The following SAMD12 variants were observed in gnomAD, a reference collection of about 807,000 sequenced individuals.
The protein encoded by SAMD12 is sterile alpha motif domain containing 12, also known as sterile alpha motif domain-containing protein 12.
SAMD12 carries 9 observed loss-of-function variants against 15.0 expected under a neutral mutation model. The observed-to-expected ratio is 0.60, with a 90% CI of 0.36 to 1.05. SAMD12 has a LOEUF of 1.05. Ranked by LOEUF, SAMD12 falls within the 50% of genes least tolerant of loss-of-function variation. The pLI is 0.01. For synonymous variants in SAMD12, 86 were observed against 90.1 expected, an observed-to-expected ratio of 0.96 and a Z score of 0.25; for missense variants, 230 against 234.2, an observed-to-expected ratio of 0.98 and a Z score of 0.12.
intron 4 of SAMD12, among the ~76,000 whole-genome samples, chr8:118,308,326 T>C (rs1278303422): frequency 6.6e-6 from 1 of 152,190 alleles, no homozygotes. Flanking sequence ...ATGATGACGA[T>C]GGCAATGATA....
intron 3 of SAMD12, among the ~76,000 whole-genome samples, chr8:118,425,628 A>T (rs1271826970): frequency 6.6e-6 from 1 of 152,246 alleles, no homozygotes; most frequent in Non-Finnish European, 1.5e-5. Context: ...AAAGCTCAGC[A>T]TTCACAATGT....
exon 5 of SAMD12, chr8:118,189,888 A>G (rs1158251131): frequency 1.3e-5 from 2 of 151,104 alleles, no homozygotes; most frequent in African/African-American, 2.4e-5. Context: ...GTTTTACCAC[A>G]TAACTTGATT....
rs137863946 is a variant in SAMD12, at chr8:118,366,720, G to A, written c.433+12840C>T. Among the ~76,000 whole-genome samples the A allele has an allele frequency of 6.0e-3, 908 of 151,924 alleles. 11 individuals are homozygous for A. Among genetic ancestry groups the A allele is most frequent in the African/African-American group, 0.021 (883 of 41,442 alleles). On this transcript the variant is annotated intron_variant, in intron 4 of 4. Transcript: ENST00000409003. ...CCAGATACTCAGGAGGCTGAGGCAG[G>A]AAAATTGCTTGAAACTGGGAGGCGA...
chr8:118,544,516 C>G (rs1160695937), intron 2 of SAMD12, among the ~76,000 whole-genome samples: 1 of 152,080 alleles, frequency 6.6e-6, no homozygotes, highest in African/African-American at 2.4e-5. Flanking sequence ...TTTAGATTTG[C>G]GAGGGCTGAA....
At chr8:118,490,719 TGCAGGAAGAA>T (rs1414714863) in intron 2 of SAMD12, among the ~76,000 whole-genome samples, 1 of 152,180 alleles carries the variant, frequency 6.6e-6, no homozygotes, top group Non-Finnish European at 1.5e-5. Flanking sequence ...AGTTTCTGGA[TGCAGGAAGAA>T]GCAGGAAATA....
At chr8:118,439,624 G>GC (rs374324625) in intron 3 of SAMD12, among the ~76,000 whole-genome samples, 1 of 111,530 alleles carries the variant, frequency 9.0e-6, no homozygotes, top group Admixed American at 1.1e-4. Flanking sequence ...TACAATGGAT[G>GC]CTAAAATCCA....
chr8:118,139,024 A>G, the SAMD12 span, among the ~76,000 whole-genome samples: 1 of 152,180 alleles, frequency 6.6e-6, no homozygotes, highest in Non-Finnish European at 1.5e-5. Context: ...GGAGACTGAG[A>G]ATATAATTTT....
At chr8:118,503,467 A>G (rs1824841613) in intron 2 of SAMD12, among the ~76,000 whole-genome samples, 2 of 152,160 alleles carry the variant, frequency 1.3e-5, no homozygotes, top group Non-Finnish European at 2.9e-5. Flanking sequence ...CACGGGTAAG[A>G]GCACTTCTAA....
intron 2 of SAMD12, among the ~76,000 whole-genome samples, chr8:118,495,379 C>G (rs371843380): frequency 1.4e-4 from 22 of 152,114 alleles, no homozygotes; most frequent in African/African-American, 5.1e-4. Context: ...AAAACAGTTC[C>G]AAATATATTG....
chr8:118,237,833 G>T (rs1812469974), intron 4 of SAMD12, among the ~76,000 whole-genome samples: 1 of 152,026 alleles, frequency 6.6e-6, no homozygotes, highest in Non-Finnish European at 1.5e-5. Context: ...TTCTGCTGTT[G>T]CCTCTCTTCC....
At chr8:118,242,178 G>A (rs1213969652) in intron 4 of SAMD12, among the ~76,000 whole-genome samples, 1 of 152,174 alleles carries the variant, frequency 6.6e-6, no homozygotes, top group Non-Finnish European at 1.5e-5. Context: ...GCCTCCCAAA[G>A]TTCTGGAATT....
intron 3 of SAMD12, among the ~76,000 whole-genome samples, chr8:118,399,625 C>T (rs377235419): frequency 3.5e-4 from 54 of 152,176 alleles, no homozygotes; most frequent in Non-Finnish European, 6.3e-4. Flanking sequence ...GCAGAGGTCT[C>T]GTTGTGGCTG....
At chr8:118,507,722 T>A (rs1242082533) in intron 2 of SAMD12, among the ~76,000 whole-genome samples, 1 of 152,242 alleles carries the variant, frequency 6.6e-6, no homozygotes. Context: ...TATGCAGATT[T>A]GTTTTCAACC....
intron 3 of SAMD12, among the ~76,000 whole-genome samples, chr8:118,407,962 T>A (rs1216657339): frequency 1.3e-5 from 2 of 152,142 alleles, no homozygotes; most frequent in African/African-American, 4.8e-5. Context: ...TGGACTTCGT[T>A]CTCACTGTGA....
intron 2 of SAMD12, among the ~76,000 whole-genome samples, chr8:118,502,809 G>C (rs750516235): frequency 6.6e-6 from 1 of 152,188 alleles, no homozygotes; most frequent in South Asian, 2.1e-4. Flanking sequence ...GGGAGGAATG[G>C]CTAAGTGTAG....
chr8:118,472,212 G>A (rs559632228), intron 2 of SAMD12, among the ~76,000 whole-genome samples: 12 of 151,672 alleles, frequency 7.9e-5, no homozygotes, highest in South Asian at 2.1e-4. Flanking sequence ...GCGTGAACCC[G>A]GGAGGCGGAG....
exon 5 of SAMD12, chr8:118,191,708 T>G (rs1428560496): frequency 7.5e-6 from 1 of 134,024 alleles, no homozygotes; most frequent in African/African-American, 2.7e-5. Context: ...GTTCCCAACA[T>G]TAACACGCTA....
At chr8:118,277,686 T>C (rs974065173) in intron 4 of SAMD12, among the ~76,000 whole-genome samples, 1 of 152,180 alleles carries the variant, frequency 6.6e-6, no homozygotes, top group Non-Finnish European at 1.5e-5. Flanking sequence ...GTCCATTATG[T>C]ATATAGTTTT....
the SAMD12 span, among the ~76,000 whole-genome samples, chr8:118,179,007 A>C: frequency 6.6e-6 from 1 of 152,142 alleles, no homozygotes; most frequent in Non-Finnish European, 1.5e-5. Flanking sequence ...GCTTCTGCCC[A>C]GGGGGTTGGG....
Sources: gnomAD v4.1 joint callset for allele counts (sites outside exome capture counted in the v4.1 genomes callset) on GRCh38, gnomAD v4.1.1 for gene constraint, MANE v1.5 for transcripts, NCBI Gene and HGNC (gene_info 2026-07-23, HGNC 2026-07-21) for gene names.